The following ZNF566 variants were observed in gnomAD, a reference collection of about 807,000 sequenced individuals.
ZNF566 encodes the protein zinc finger protein 566.
Under a neutral mutation model 32.8 loss-of-function variants are expected in ZNF566, and 27 were observed. The ratio of observed to expected loss-of-function variants is 0.82; its 90% CI spans 0.61 to 1.14. The LOEUF (loss-of-function observed/expected upper bound fraction) is 1.14, where lower values mean the gene tolerates loss of function less well. ZNF566 is among the 50% of genes most tolerant of loss of function. The probability of loss-of-function intolerance (pLI) is 0.00; values close to 1 mark genes in which losing one functional copy is unlikely to be tolerated. For synonymous variants in ZNF566, 154 were observed against 159.5 expected, an observed-to-expected ratio of 0.97 and a Z score of 0.26; for missense variants, 402 against 490.4, an observed-to-expected ratio of 0.82 and a Z score of 1.70.
Position 36,448,417 on chromosome 19 carries a change from G to A in ZNF566, c.*560C>T, listed in dbSNP as rs535618104. On this transcript the variant is annotated 3_prime_UTR_variant, in exon 5 of 5. Transcript: ENST00000452939. ...AAGAATCTCTATTGAGTAAAATGTC[G>A]TTCATGAACATTTTTACAATAAGAA... 2 of 151,990 alleles carry A rather than the reference G, an allele frequency of 1.3e-5. No individual in the cohort carries two copies. Among genetic ancestry groups the A allele is most frequent in the East Asian group, 1.9e-4 (1 of 5,178 alleles). The allele number at this position is 151,990 out of a possible 1,614,324, so 9.4% of individuals were successfully genotyped here. A position where few individuals can be genotyped will look rare whatever the true frequency, so the allele number is the denominator to read the frequency against.
In ZNF566 at chr19:36,472,885, C is replaced by T. The variant is rs1324159435; in HGVS notation, c.232+26G>A. 4 of 1,581,578 alleles carry T rather than the reference C, an allele frequency of 2.5e-6. No homozygotes were observed. The African/African-American group carries it at 4.1e-5, about 16-fold the overall frequency. On this transcript the variant is annotated intron_variant, in intron 4 of 4. Coordinates refer to ENST00000452939, the MANE Select transcript of ZNF566 (RefSeq NM_001145344.1). ...TGCAGTCTCTCTACCAGCCAAATCACGCATTACCTGCTGTGCCTCACTTAC... is the reference window on the plus strand; with the variant it reads ...TGCAGTCTCTCTACCAGCCAAATCATGCATTACCTGCTGTGCCTCACTTAC...
chr19:36,486,746 CAAAA>C (rs1425474609), intron 1 of ZNF566, among the ~76,000 whole-genome samples: 1 of 147,880 alleles, frequency 6.8e-6, no homozygotes, highest in Non-Finnish European at 1.5e-5. Flanking sequence ...AAAATGGACA[CAAAA>C]AAGAAGATAT....
At position 36,484,581 on chromosome 19, in the gene ZNF566, T is replaced by C. The variant is rs185691390; in HGVS notation, c.-60+4905A>G. 4.2e-5 allele frequency among the ~76,000 whole-genome samples: 6 copies of C among 141,840 alleles called. No homozygotes were observed. The East Asian group carries it at 9.9e-4, about 23-fold the overall frequency. 93.1% of individuals were successfully genotyped at this position (141,840 alleles called of 152,430 possible). ...CATGATGAGAAATAGGATTTTGGCA[T>C]AGTTTCTTTTTTTTTTTTTTTTTTT... On this transcript the variant is annotated intron_variant, in intron 1 of 4. Transcript: ENST00000452939.
intron 1 of ZNF566, among the ~76,000 whole-genome samples, chr19:36,483,946 G>C (rs1202812801): frequency 1.3e-5 from 2 of 151,986 alleles, no homozygotes; most frequent in Non-Finnish European, 2.9e-5. Flanking sequence ...GCCTAAGCTA[G>C]AGTGCAATGG....
chr19:36,481,432 C>G (rs1454651870), intron 1 of ZNF566, among the ~76,000 whole-genome samples: 1 of 144,634 alleles, frequency 6.9e-6, no homozygotes, highest in Non-Finnish European at 1.5e-5. Flanking sequence ...GATCGCGCCA[C>G]TGCACTCCAG....
intron 1 of ZNF566, among the ~76,000 whole-genome samples, chr19:36,481,059 T>A (rs1382743035): frequency 6.6e-6 from 1 of 151,514 alleles, no homozygotes; most frequent in Non-Finnish European, 1.5e-5. Flanking sequence ...AAAGCACTAG[T>A]CATAAAAGAC....
rs2033053882 is a variant in ZNF566 at position 36,448,626 on chromosome 19, G to A, written c.*351C>T. 1 of 169,764 alleles carries A rather than the reference G, an allele frequency of 5.9e-6. No homozygotes were observed. Among genetic ancestry groups the A allele is most frequent in the South Asian group, 2.0e-4 (1 of 5,110 alleles). 10.5% of individuals were successfully genotyped at this position (169,764 alleles called of 1,614,324 possible). The stretch of plus-strand genomic sequence containing the variant: ...AGAATGTAACAATTAGAGAAATTAG[G>A]GGAAAAAATGACAATCACAGGACTA... On this transcript the variant is annotated 3_prime_UTR_variant, in exon 5 of 5. Coordinates refer to ENST00000452939, the MANE Select transcript of ZNF566 (RefSeq NM_001145344.1).
intron 4 of ZNF566, among the ~76,000 whole-genome samples, chr19:36,471,273 T>C (rs1221858659): frequency 1.3e-5 from 2 of 151,900 alleles, no homozygotes; most frequent in African/African-American, 4.8e-5. Context: ...CACAGCCTTC[T>C]GATGACTTCT....
chr19:36,481,478 A>AG (rs1206031619), intron 1 of ZNF566, among the ~76,000 whole-genome samples: 1 of 128,446 alleles, frequency 7.8e-6, no homozygotes, highest in Non-Finnish European at 1.8e-5. Flanking sequence ...CTCGGGAAAA[A>AG]AAAAAAAAAA....
chr19:36,487,459 C>T (rs375849809), intron 1 of ZNF566, among the ~76,000 whole-genome samples: 5 of 152,078 alleles, frequency 3.3e-5, no homozygotes, highest in African/African-American at 1.2e-4. Context: ...ACAATGTAAT[C>T]GACTAATATA....
chr19:36,447,674 T>C lies in ZNF566; in HGVS notation c.*1303A>G, dbSNP rs1003899428. 6.6e-6 allele frequency: 1 copy of C among 152,190 alleles called. No individual in the cohort carries two copies. The highest frequency in any genetic ancestry group is 2.4e-5 in the African/African-American group (1 of 41,456). The allele number at this position is 152,190 out of a possible 1,614,324, so 9.4% of individuals were successfully genotyped here. On this transcript the variant is annotated 3_prime_UTR_variant, in exon 5 of 5. Coordinates refer to ENST00000452939, the MANE Select transcript of ZNF566 (RefSeq NM_001145344.1). Reference sequence around the variant, plus strand: ...CCAATATTTTGCTTATGTTCTCTTTTCTTTTTTACTGGGTATATAATGCGA... The same window carrying C: ...CCAATATTTTGCTTATGTTCTCTTTCCTTTTTTACTGGGTATATAATGCGA...
intron 4 of ZNF566, among the ~76,000 whole-genome samples, chr19:36,459,868 G>A (rs2033417751): frequency 6.7e-6 from 1 of 149,196 alleles, no homozygotes; most frequent in Admixed American, 6.8e-5. Flanking sequence ...GCCCAGGTGA[G>A]AGTACAGTGG....
chr19:36,452,821 T>A (rs777208452), intron 4 of ZNF566, among the ~76,000 whole-genome samples: 2 of 152,114 alleles, frequency 1.3e-5, no homozygotes, highest in Non-Finnish European at 1.5e-5. Context: ...AACTCTAGTA[T>A]AAAAGTTAGA....
intron 4 of ZNF566, among the ~76,000 whole-genome samples, chr19:36,458,153 G>T (rs956586115): frequency 1.1e-4 from 16 of 152,066 alleles, no homozygotes; most frequent in Admixed American, 4.6e-4. Flanking sequence ...GCATTCTTAT[G>T]TTCATTGCAG....
At chr19:36,450,217 G>A (rs1381678520) in intron 4 of ZNF566, among the ~76,000 whole-genome samples, 1 of 152,072 alleles carries the variant, frequency 6.6e-6, no homozygotes, top group African/African-American at 2.4e-5. Flanking sequence ...AATTACTTTG[G>A]GAAGCCTGCT....
intron 1 of ZNF566, among the ~76,000 whole-genome samples, chr19:36,485,783 C>T (rs893429925): frequency 6.7e-6 from 1 of 150,012 alleles, no homozygotes; most frequent in Non-Finnish European, 1.5e-5. Context: ...CGGTCAGGCG[C>T]GGTGGCTCAC....
At chr19:36,465,818 G>A (rs757405571) in intron 4 of ZNF566, among the ~76,000 whole-genome samples, 2 of 151,686 alleles carry the variant, frequency 1.3e-5, no homozygotes, top group Non-Finnish European at 2.9e-5. Context: ...AGGTTGAAAA[G>A]CATAAAGGTC....
chr19:36,487,965 G>T (rs1335357366), intron 1 of ZNF566, among the ~76,000 whole-genome samples: 1 of 150,392 alleles, frequency 6.6e-6, no homozygotes, highest in Non-Finnish European at 1.5e-5. Flanking sequence ...TGAATAGATT[G>T]TGTGGGGGAG....
chr19:36,445,349 A>G lies in ZNF566; in HGVS notation c.*3628T>C, dbSNP rs555120343. On this transcript the variant is annotated 3_prime_UTR_variant, in exon 5 of 5. Coordinates refer to ENST00000452939, the MANE Select transcript of ZNF566 (RefSeq NM_001145344.1). ...CATAACTGGTTTTATTCCTGGATAG[A>G]AACAAGTCTGACATCCTGCATTAGA... 1.2e-4 allele frequency: 18 copies of G among 152,338 alleles called. No individual in the cohort carries two copies. The highest frequency in any genetic ancestry group is 9.8e-4 in the Admixed American group (15 of 15,294). 9.4% of individuals were successfully genotyped at this position (152,338 alleles called of 1,614,324 possible).
Sources: allele counts gnomAD v4.1 joint callset (sites outside exome capture counted in the v4.1 genomes callset), GRCh38; gene constraint gnomAD v4.1.1; transcripts MANE v1.5; gene names NCBI Gene and HGNC (gene_info 2026-07-23, HGNC 2026-07-21).